Variants in CLTRN observed in about 807,000 individuals in gnomAD.
The protein encoded by CLTRN is collectrin, amino acid transport regulator, also known as collectrin.
In CLTRN, 12 loss-of-function variants were observed where a neutral mutation model predicts 14.5. That is an observed-to-expected ratio of 0.83 (90% CI 0.53 to 1.34). The LOEUF is 1.34. CLTRN is among the 40% of genes most tolerant of loss of function. The pLI is 0.00. For synonymous variants in CLTRN, 58 were observed against 56.5 expected (o/e 1.03, Z -0.12); for missense variants, 154 against 165.1 (o/e 0.93, Z 0.37).
chrX:15,651,736 C>G (rs149378149), intron 3 of CLTRN, among the ~76,000 whole-genome samples: 281 of 111,124 alleles, frequency 2.5e-3, no homozygotes, highest in African/African-American at 8.8e-3. Flanking sequence ...GCTTGGCCCA[C>G]GTGGATTCAG....
chrX:15,666,458 T>C (rs1227142581), upstream of CLTRN, among the ~76,000 whole-genome samples: 1 of 111,878 alleles, frequency 8.9e-6, no homozygotes. Context: ...ATGGCAGAAT[T>C]AGATTGGGTG....
chrX:15,673,701 T>C (rs190421306), intron 1 of CLTRN, among the ~76,000 whole-genome samples: 2 of 112,565 alleles, frequency 1.8e-5, no homozygotes. Flanking sequence ...CAGAAATGGA[T>C]GGAAGGTGGG....
At chrX:15,657,155 T>C (rs1271248058) in intron 3 of CLTRN, among the ~76,000 whole-genome samples, 1 of 111,274 alleles carries the variant, frequency 9.0e-6, no homozygotes. Context: ...CATGCCCAGC[T>C]AATTTTTGCA....
intron 5 of CLTRN, among the ~76,000 whole-genome samples, chrX:15,632,355 A>G (rs890219382): frequency 8.9e-6 from 1 of 111,993 alleles, no homozygotes; most frequent in Admixed American, 9.4e-5. Flanking sequence ...AGACGGGCGG[A>G]TCACCTGAGG....
At chrX:15,646,984 T>C (rs1258901092) in intron 3 of CLTRN, 2 of 252,304 alleles carry the variant, frequency 7.9e-6, no homozygotes, top group East Asian at 1.1e-4. Flanking sequence ...CAATCCTTCC[T>C]GGCGGCCGCC....
upstream of CLTRN, among the ~76,000 whole-genome samples, chrX:15,665,357 G>A (rs939935834): frequency 1.8e-4 from 20 of 111,817 alleles, no homozygotes; most frequent in African/African-American, 5.5e-4. Flanking sequence ...AGAGAGGATC[G>A]AAAAACTACC....
chrX:15,646,280 A>G (rs1014420441), intron 3 of CLTRN: 1 of 246,602 alleles, frequency 4.1e-6, no homozygotes, highest in African/African-American at 2.9e-5. Flanking sequence ...GCACTTTCTG[A>G]CATTTTGATA....
intron 1 of CLTRN, 23 bp from the exon 2 acceptor site, chrX:15,664,418 G>C: frequency 1.7e-6 from 2 of 1,154,688 alleles, no homozygotes; most frequent in Non-Finnish European, 1.2e-6. Flanking sequence ...AAAAAAGAAA[G>C]AGCAGTATAT....
intron 4 of CLTRN, among the ~76,000 whole-genome samples, chrX:15,644,654 G>A (rs1423872590): frequency 6.3e-5 from 7 of 111,534 alleles, no homozygotes; most frequent in Non-Finnish European, 1.3e-4. Flanking sequence ...ACCCCCTCCA[G>A]CTGTGACAAT....
intron 3 of CLTRN, chrX:15,646,133 C>T (rs1929059672): frequency 6.9e-6 from 1 of 145,191 alleles, no homozygotes; most frequent in Non-Finnish European, 1.4e-5. Flanking sequence ...AGGCTTGAGC[C>T]TCCTTGGTCC....
intron 3 of CLTRN, among the ~76,000 whole-genome samples, chrX:15,652,601 TTTG>T (rs758008182): frequency 1.5e-4 from 17 of 110,998 alleles, no homozygotes; most frequent in East Asian, 2.8e-4. Context: ...GGAATAAGAT[TTTG>T]TTGTTGTTGT....
At position 15,662,333 on chromosome X, in the gene CLTRN, G is replaced by A. The variant is rs372127503; in HGVS notation, c.117+2004C>T. ...CTTCCTCCATAGACACGTCTTAGCC[G>A]CCTCCTCTCCTGAAGTGCCAGACAG... On this transcript the variant is annotated intron_variant, in intron 2 of 5. Transcript: ENST00000380342. 9.9e-5 allele frequency among the ~76,000 whole-genome samples: 11 copies of A among 110,828 alleles called. No homozygotes were observed. In the East Asian group the frequency reaches 2.0e-3, roughly 20 times the overall value.
At position 15,654,376 on chromosome X, in the gene CLTRN, A is replaced by G. The variant is rs768906827; in HGVS notation, c.203+4640T>C. Reference sequence around the variant, plus strand: ...GTTGATGTTTGAGTAAACTAGGCATATTAAGTTTCCAGTTGACCTGGGAAT... The same window carrying G: ...GTTGATGTTTGAGTAAACTAGGCATGTTAAGTTTCCAGTTGACCTGGGAAT... On this transcript the variant is annotated intron_variant, in intron 3 of 5. Transcript: ENST00000380342. 4.4e-5 allele frequency among the ~76,000 whole-genome samples: 5 copies of G among 112,976 alleles called. No individual in the cohort carries two copies. In the East Asian group the frequency reaches 1.4e-3, roughly 31 times the overall value.
Position 15,644,990 on chromosome X carries a change from T to C in CLTRN, c.243A>G (p.Val81=), listed in dbSNP as rs1929027952. The C allele has an allele frequency of 1.7e-6, 2 of 1,204,200 alleles. No homozygotes were observed. The highest frequency in any genetic ancestry group is 2.2e-6 in the Non-Finnish European group (2 of 892,338). The change falls in exon 4 of 6, where the codon GTA becomes GTG. Residue 81 remains valine, a synonymous_variant. Transcript: ENST00000380342. ...GGTCTGTAACCACAAACCAGAATGATACCCTCTGGGTTACATTGCAAAGTA... is the reference window on the plus strand; with the variant it reads ...GGTCTGTAACCACAAACCAGAATGACACCCTCTGGGTTACATTGCAAAGTA... ...HVLLCNVTQR[V]SFWFVVTDPS...
intron 5 of CLTRN, among the ~76,000 whole-genome samples, chrX:15,633,002 T>C (rs1928738377): frequency 9.0e-6 from 1 of 110,772 alleles, no homozygotes; most frequent in Non-Finnish European, 1.9e-5. Flanking sequence ...TATCGGGGAA[T>C]TGAGACCATC....
At chrX:15,630,363 A>AGAAGGAAGGAAGGAAG (rs67681066) in intron 5 of CLTRN, among the ~76,000 whole-genome samples, 14 of 54,658 alleles carry the variant, frequency 2.6e-4, no homozygotes, top group Non-Finnish European at 2.2e-4. Context: ...ACCACAAGAA[A>AGAAGGAAGGAAGGAAG]GAAGGAAGGA....
At chrX:15,668,114 A>G (rs927417444), upstream of CLTRN, among the ~76,000 whole-genome samples, 9 of 112,513 alleles carry the variant, frequency 8.0e-5, no homozygotes, top group Admixed American at 6.6e-4. Flanking sequence ...AAAAAAGTAG[A>G]AAACATCCAT....
At chrX:15,667,634 C>A (rs1929647556), upstream of CLTRN, among the ~76,000 whole-genome samples, 1 of 112,305 alleles carries the variant, frequency 8.9e-6, no homozygotes, top group Admixed American at 9.4e-5. Flanking sequence ...AATACATGTA[C>A]ATTTCTTCTT....
chrX:15,656,906 A>C (rs1047139200), intron 3 of CLTRN, among the ~76,000 whole-genome samples: 1 of 111,520 alleles, frequency 9.0e-6, no homozygotes, highest in Non-Finnish European at 1.9e-5. Flanking sequence ...GACACTGGCA[A>C]CAAAAGCTTC....
Sources: gnomAD v4.1 joint callset for allele counts (sites outside exome capture counted in the v4.1 genomes callset) on GRCh38, gnomAD v4.1.1 for gene constraint, MANE v1.5 for transcripts, NCBI Gene and HGNC (gene_info 2026-07-23, HGNC 2026-07-21) for gene names.